The following SLC9A3 variants were observed in gnomAD, a reference collection of about 807,000 sequenced individuals.
SLC9A3 encodes the protein sodium/hydrogen exchanger 3.
Under a neutral mutation model 86.8 loss-of-function variants are expected in SLC9A3, and 37 were observed. The ratio of observed to expected loss-of-function variants is 0.43; its 90% CI spans 0.33 to 0.56. The LOEUF is 0.56. SLC9A3 is among the 20% of genes least tolerant of loss of function. The pLI is 0.06. For synonymous variants in SLC9A3, 581 were observed against 528.3 expected (o/e 1.10, Z -1.37); for missense variants, 1,011 against 1,171.9 (o/e 0.86, Z 2.00).
chr5:491,678 T>G lies in SLC9A3; in HGVS notation c.514+91A>C. On this transcript the variant is annotated intron_variant, in intron 2 of 16. Coordinates refer to ENST00000264938, the MANE Select transcript of SLC9A3 (RefSeq NM_004174.4). The surrounding 1 kb of genome is among the most constrained non-coding windows in gnomAD (Gnocchi z 9.2). ...GACACTTACCGCCTGGAGGCCAGGG[T>G]GCGGCACCCCGACCTTTCTGAGATG... 1 of 1,206,696 alleles carries G rather than the reference T, an allele frequency of 8.3e-7. No individual in the cohort carries two copies. Among genetic ancestry groups the G allele is most frequent in the Non-Finnish European group, 1.1e-6 (1 of 881,462 alleles). 74.7% of individuals were successfully genotyped at this position (1,206,696 alleles called of 1,614,324 possible).
chr5:475,950 G>A, intron 14 of SLC9A3, 70 bp downstream of exon 14: 3 of 1,350,688 alleles, frequency 2.2e-6, no homozygotes, highest in South Asian at 1.4e-5. Flanking sequence ...GGAGGTTCCC[G>A]AGCCGGGAGG....
In SLC9A3 at chr5:524,201, C is replaced by G; in HGVS notation, c.122G>C (p.Gly41Ala). 2 of 1,535,216 alleles carry G rather than the reference C, an allele frequency of 1.3e-6. No homozygotes were observed. Among genetic ancestry groups the G allele is most frequent in the Non-Finnish European group, 1.7e-6 (2 of 1,143,888 alleles). The stretch of plus-strand genomic sequence containing the variant: ...CCACTCGAAGGTGACCACCTGGAAG[C>G]CCCCGCTCTCGCCGTGCGCGCCGCC... ...EPGGAHGESG[G>A]FQVVTFEWAH... Residue 41 changes from glycine (G) to alanine (A), a missense_variant, in exon 1 of 17, where the codon GGC becomes GCC. Around this residue, in one of 3 missense-constraint regions of SLC9A3, gnomAD observed 565 missense variants for 790.0 expected, o/e 0.72. Coordinates refer to ENST00000264938, the MANE Select transcript of SLC9A3 (RefSeq NM_004174.4).
intron 11 of SLC9A3, 30 bp downstream of exon 11, chr5:477,298 TCCCC>T: frequency 6.8e-7 from 1 of 1,467,934 alleles, no homozygotes. Context: ...GCTGGGCTCT[TCCCC>T]AGGGAAGCTG....
chr5:511,088 A>G (rs1740851957), intron 1 of SLC9A3, among the ~76,000 whole-genome samples: 1 of 152,116 alleles, frequency 6.6e-6, no homozygotes, highest in African/African-American at 2.4e-5. Flanking sequence ...TCGAACACAC[A>G]CCAGCAAAAC....
chr5:513,340 G>A (rs955913458), intron 1 of SLC9A3, among the ~76,000 whole-genome samples: 5 of 152,290 alleles, frequency 3.3e-5, no homozygotes, highest in South Asian at 2.1e-4. Flanking sequence ...GAGAAAGGCC[G>A]GGAGGAAGGC....
Position 489,924 on chromosome 5 carries a change from G to A in SLC9A3, c.515-1448C>T, listed in dbSNP as rs371533162. Among the ~76,000 whole-genome samples, 7 of 152,366 alleles carry A rather than the reference G, an allele frequency of 4.6e-5. No individual in the cohort carries two copies. The East Asian group carries it at 9.6e-4, about 21-fold the overall frequency. ...TCCACCACGTGCTTTGCCTGTGCAAGGGCCTCTGATGCCTGAAGCTCTCGC... is the reference window on the plus strand; with the variant it reads ...TCCACCACGTGCTTTGCCTGTGCAAAGGCCTCTGATGCCTGAAGCTCTCGC... On this transcript the variant is annotated intron_variant, in intron 2 of 16. Coordinates refer to ENST00000264938, the MANE Select transcript of SLC9A3 (RefSeq NM_004174.4).
At chr5:488,254 G>A (rs1388870799) in intron 3 of SLC9A3, 62 bp downstream of exon 3, 4 of 1,573,220 alleles carry the variant, frequency 2.5e-6, no homozygotes, top group Non-Finnish European at 3.5e-6. Flanking sequence ...CCGATGGGGG[G>A]TGAGACGGGG....
intron 1 of SLC9A3, among the ~76,000 whole-genome samples, chr5:504,240 AC>A (rs1219347777): frequency 3.3e-4 from 1 of 2,986 alleles, no homozygotes; most frequent in Admixed American, 3.5e-3. Flanking sequence ...CAGCTCCGGA[AC>A]CCCCGGGAAC....
intron 1 of SLC9A3, among the ~76,000 whole-genome samples, chr5:511,476 G>T (rs1476961485): frequency 1.3e-5 from 2 of 152,216 alleles, no homozygotes; most frequent in Non-Finnish European, 1.5e-5. Context: ...AGTGAGAAAT[G>T]AGCCAAACAT....
At chr5:490,741 G>A (rs531674941) in intron 2 of SLC9A3, among the ~76,000 whole-genome samples, 2 of 152,332 alleles carry the variant, frequency 1.3e-5, no homozygotes, top group Admixed American at 1.3e-4. Flanking sequence ...GGCTAGGGCG[G>A]CTGCCCCATC....
chr5:510,131 T>C (rs1173740918), intron 1 of SLC9A3, among the ~76,000 whole-genome samples: 3 of 152,224 alleles, frequency 2.0e-5, no homozygotes, highest in African/African-American at 7.2e-5. Context: ...CTTGGGCCCC[T>C]GGCGGAGCGC....
At chr5:477,101 GC>G in intron 11 of SLC9A3, 1 of 521,804 alleles carries the variant, frequency 1.9e-6, no homozygotes, top group Non-Finnish European at 3.4e-6. Context: ...GTCAGGCCTG[GC>G]CCCCAGTCCG....
intron 1 of SLC9A3, among the ~76,000 whole-genome samples, chr5:513,788 GCTC>G (rs1049721969): frequency 2.0e-5 from 3 of 152,242 alleles, no homozygotes; most frequent in Admixed American, 6.5e-5. Context: ...GTTCCTGACA[GCTC>G]CTTCTCAGGA....
At chr5:476,773 C>T (rs1738770337) in intron 11 of SLC9A3, 101 bp from the exon 12 acceptor site, 3 of 1,438,094 alleles carry the variant, frequency 2.1e-6, no homozygotes, top group Admixed American at 1.8e-5. Flanking sequence ...TGGCTGCCTC[C>T]TGCGTGCCCC....
chr5:499,761 AT>A (rs1484510852), intron 1 of SLC9A3, among the ~76,000 whole-genome samples: 2 of 152,178 alleles, frequency 1.3e-5, no homozygotes, highest in Non-Finnish European at 2.9e-5. Context: ...GCCCGAGATA[AT>A]GCCAAGGTGG....
In SLC9A3 at chr5:484,660, C is replaced by A. The variant is rs983106177; in HGVS notation, c.792G>T (p.Val264=). 4.3e-6 allele frequency: 7 copies of A among 1,612,986 alleles called. No homozygotes were observed. The African/African-American group carries it at 8.0e-5, about 18-fold the overall frequency. The change falls in exon 5 of 17, where the codon GTG becomes GTT. Residue 264 remains valine, a synonymous_variant. Coordinates refer to ENST00000264938, the MANE Select transcript of SLC9A3 (RefSeq NM_004174.4). The part of the protein sequence containing the change: ...FFVVSLGGTL[V]GVVFAFLLSL... ...ACAGCAGGAAGGCGAAGACCACCCC[C>A]ACCAGCGTGCCCCCCAGGCTCACCA...
chr5:515,099 C>T (rs1733687187), intron 1 of SLC9A3, among the ~76,000 whole-genome samples: 1 of 152,110 alleles, frequency 6.6e-6, no homozygotes, highest in Non-Finnish European at 1.5e-5. Context: ...CATGGGGAGA[C>T]ATGGGGAGAT....
rs745585295 is a variant in SLC9A3, at chr5:479,896, G to A, written c.1587C>T (p.Asp529=). ...LMRRSAQKSR[D]RILNVFHELN... ...GCTCGTGGAAGACATTCAGGATCCG[G>A]TCTCGAGACTTCTGGGCCGACCGTC... The change falls in exon 10 of 17, where the codon GAC becomes GAT. Residue 529 remains aspartate, a synonymous_variant. Coordinates refer to ENST00000264938, the MANE Select transcript of SLC9A3 (RefSeq NM_004174.4). 84 of 1,613,880 alleles carry A rather than the reference G, an allele frequency of 5.2e-5. No individual in the cohort carries two copies. The highest frequency in any genetic ancestry group is 5.7e-5 in the Non-Finnish European group (67 of 1,180,002).
chr5:476,742 C>G, intron 11 of SLC9A3, 70 bp from the exon 12 acceptor site: 1 of 1,562,126 alleles, frequency 6.4e-7, no homozygotes, highest in Non-Finnish European at 8.7e-7. Flanking sequence ...CCCTCGCCTT[C>G]CCACGGCGGG....
Sources: gnomAD v4.1 joint callset for allele counts (sites outside exome capture counted in the v4.1 genomes callset) on GRCh38, gnomAD v4.1.1 for gene constraint, gnomAD v4.1.1 regional missense constraint, Gnocchi (gnomAD v3.1) non-coding constraint, MANE v1.5 for transcripts, NCBI Gene and HGNC (gene_info 2026-07-23, HGNC 2026-07-21) for gene names.